CCZ1B: variants seen among roughly 807,000 people sequenced by gnomAD.
CCZ1B encodes the protein CCZ1B vacuolar protein trafficking and biogenesis associated.
Under a neutral mutation model 58.8 loss-of-function variants are expected in CCZ1B, and 25 were observed. The observed-to-expected ratio is 0.43, with a 90% CI of 0.31 to 0.59. CCZ1B has a LOEUF of 0.59. CCZ1B is among the 20% of genes least tolerant of loss of function. CCZ1B has a pLI of 0.12. For missense variants in CCZ1B, 180 were observed against 501.5 expected, an observed-to-expected ratio of 0.36 and a Z score of 6.12; for synonymous variants, 66 against 173.2, an observed-to-expected ratio of 0.38 and a Z score of 4.86.
At chr7:6,815,953 C>G in intron 7 of CCZ1B, among the ~76,000 whole-genome samples, 1 of 145,462 alleles carries the variant, frequency 6.9e-6, no homozygotes, top group Admixed American at 6.9e-5. Context: ...GAACGTGATC[C>G]TAGGTCTCAG....
At chr7:6,815,904 C>T (rs1782992461) in intron 7 of CCZ1B, among the ~76,000 whole-genome samples, 1 of 145,892 alleles carries the variant, frequency 6.9e-6, no homozygotes, top group East Asian at 1.9e-4. Flanking sequence ...CATTCTCTCC[C>T]CTAGTCCCCT....
chr7:6,813,134 A>C, intron 8 of CCZ1B, 97 bp from the exon 9 acceptor site: 1 of 1,201,342 alleles, frequency 8.3e-7, no homozygotes, highest in South Asian at 1.4e-5. Flanking sequence ...GTTCCATGCC[A>C]TTTGTCTTTT....
At chr7:6,823,232 G>T in intron 5 of CCZ1B, 81 bp downstream of exon 5, 2 of 1,568,342 alleles carry the variant, frequency 1.3e-6, no homozygotes, top group Non-Finnish European at 1.7e-6. Flanking sequence ...GTCATTTATA[G>T]ACTTCTCTTT....
chr7:6,807,553 CAA>C (rs1451839513), intron 10 of CCZ1B, among the ~76,000 whole-genome samples: 64 of 152,074 alleles, frequency 4.2e-4, no homozygotes, highest in Middle Eastern at 3.4e-3. Flanking sequence ...CAACAAGAAA[CAA>C]AGAGAGAAGA....
At chr7:6,812,363 CCT>C (rs1782929428) in intron 9 of CCZ1B, 2 of 374,914 alleles carry the variant, frequency 5.3e-6, no homozygotes, top group South Asian at 4.7e-5. Context: ...GTGGTGGGCA[CCT>C]GCAATCCCAG....
intron 3 of CCZ1B, 120 bp downstream of exon 3, chr7:6,824,335 A>C: frequency 7.6e-7 from 1 of 1,314,076 alleles, no homozygotes; most frequent in East Asian, 2.5e-5. Flanking sequence ...AATTGCAACC[A>C]ATTTTATTTT....
intron 6 of CCZ1B, among the ~76,000 whole-genome samples, chr7:6,821,216 T>C (rs1783105102): frequency 6.7e-6 from 1 of 149,984 alleles, no homozygotes; most frequent in African/African-American, 2.5e-5. Context: ...TTCACCATGT[T>C]GGCCAGGCTG....
intron 7 of CCZ1B, among the ~76,000 whole-genome samples, chr7:6,815,244 C>T (rs1782982593): frequency 6.8e-6 from 1 of 146,918 alleles, no homozygotes; most frequent in Non-Finnish European, 1.5e-5. Context: ...TGGCTCACTG[C>T]AGCCTTGGCC....
chr7:6,814,264 C>T (rs1782962606), intron 8 of CCZ1B, among the ~76,000 whole-genome samples: 1 of 149,590 alleles, frequency 6.7e-6, no homozygotes, highest in Non-Finnish European at 1.5e-5. Context: ...GGACTGGGGG[C>T]AGTGGCTCAC....
intron 10 of CCZ1B, among the ~76,000 whole-genome samples, chr7:6,809,575 C>T (rs1182927386): frequency 1.5e-4 from 21 of 137,774 alleles, no homozygotes; most frequent in African/African-American, 6.0e-4. Flanking sequence ...GATACACAAA[C>T]GGACATTCTT....
intron 3 of CCZ1B, 110 bp downstream of exon 3, chr7:6,824,334 CAATTTTATTTT>C (rs1230034441): frequency 7.6e-7 from 1 of 1,314,500 alleles, no homozygotes; most frequent in African/African-American, 1.6e-5. Flanking sequence ...AAATTGCAAC[CAATTTTATTTT>C]AATTTTACTT....
chr7:6,825,481 C>G lies in CCZ1B; in HGVS notation c.120+597G>C, dbSNP rs1254556842. On this transcript the variant is annotated intron_variant, in intron 1 of 14. Transcript: ENST00000316731. ...CCCAGGCTGGTCTGGAACCCCTGGC[C>G]TCAAGCAATCCTCCCATCTCGGCCT... 7.3e-5 allele frequency among the ~76,000 whole-genome samples: 10 copies of G among 137,586 alleles called. No individual in the cohort carries two copies. In the South Asian group the frequency reaches 2.2e-3, roughly 31 times the overall value. The allele number at this position is 137,586 out of a possible 152,430, so 90.3% of individuals were successfully genotyped here. A position where few individuals can be genotyped will look rare whatever the true frequency, so the allele number is the denominator to read the frequency against.
rs769620724 is a variant in CCZ1B at position 6,818,712 on chromosome 7, C to CAAGA, written c.698+1050_698+1053dup. On this transcript the variant is annotated intron_variant, in intron 7 of 14. Coordinates refer to ENST00000316731, the MANE Select transcript of CCZ1B (RefSeq NM_198097.5). ...AAGAAAGACAAGAAAGAAAGAAAGA[C>CAAGA]AAGAAAGAAAGAAAGAAAGAAAGAA... Among the ~76,000 whole-genome samples the CAAGA allele has an allele frequency of 2.4e-3, 191 of 80,636 alleles. 9 individuals carry two copies. Among genetic ancestry groups the CAAGA allele is most frequent in the East Asian group, 0.014 (18 of 1,280 alleles). 52.9% of individuals were successfully genotyped at this position (80,636 alleles called of 152,430 possible). A position where few individuals can be genotyped will look rare whatever the true frequency, so the allele number is the denominator to read the frequency against.
At position 6,819,263 on chromosome 7, in the gene CCZ1B, G is replaced by GTCTC. The variant is rs1783070592; in HGVS notation, c.698+499_698+502dup. On this transcript the variant is annotated intron_variant, in intron 7 of 14. Coordinates refer to ENST00000316731, the MANE Select transcript of CCZ1B (RefSeq NM_198097.5). ...TTCTTTTTTTTTTTTTGGAGACAGA[G>GTCTC]TCTCTCTCTGTTGCCAGGCTGGGGT... 2.1e-5 allele frequency among the ~76,000 whole-genome samples: 3 copies of GTCTC among 140,802 alleles called. No individual in the cohort carries two copies. The Admixed American group carries it at 2.2e-4, about 10-fold the overall frequency. The allele number at this position is 140,802 out of a possible 152,430, so 92.4% of individuals were successfully genotyped here.
In CCZ1B at chr7:6,817,480, T is replaced by C. The variant is rs929534012; in HGVS notation, c.698+2286A>G. Among the ~76,000 whole-genome samples the C allele has an allele frequency of 4.7e-5, 7 of 150,008 alleles. 1 individual carries two copies. The highest frequency in any genetic ancestry group is 4.6e-4 in the Admixed American group (7 of 15,090). ...GGGCCACTACTGCTGGATTCTGGCT[T>C]GTCACACGACATCTCCCTATCGCCG... On this transcript the variant is annotated intron_variant, in intron 7 of 14. Coordinates refer to ENST00000316731, the MANE Select transcript of CCZ1B (RefSeq NM_198097.5).
chr7:6,822,111 C>A lies in CCZ1B; in HGVS notation c.522+170G>T, dbSNP rs2711222. ...GCTGGAGGGAAGGTTCCAGAGCACA[C>A]GCCTCATGCGTTTCCTCGCTGCTCC... On this transcript the variant is annotated intron_variant, in intron 6 of 14. Coordinates refer to ENST00000316731, the MANE Select transcript of CCZ1B (RefSeq NM_198097.5). Among the ~76,000 whole-genome samples, 47 of 147,300 alleles carry A rather than the reference C, an allele frequency of 3.2e-4. 2 individuals carry two copies. Among genetic ancestry groups the A allele is most frequent in the Admixed American group, 5.4e-4 (8 of 14,862 alleles).
chr7:6,818,577 CAGAA>C (rs1243261368), intron 7 of CCZ1B, among the ~76,000 whole-genome samples: 4 of 130,568 alleles, frequency 3.1e-5, no homozygotes, highest in South Asian at 2.4e-4. Flanking sequence ...GAAAGAAAGA[CAGAA>C]AGAAAGACAG....
chr7:6,814,383 A>G (rs1782965074), intron 8 of CCZ1B, among the ~76,000 whole-genome samples: 1 of 149,080 alleles, frequency 6.7e-6, no homozygotes, highest in East Asian at 1.9e-4. Context: ...AAAATACAAA[A>G]AAATTAGCTG....
At chr7:6,818,634 C>CAGAAAGACAGACAGAAAGA (rs1783051772) in intron 7 of CCZ1B, among the ~76,000 whole-genome samples, 2 of 109,112 alleles carry the variant, frequency 1.8e-5, no homozygotes, top group African/African-American at 3.6e-5. Flanking sequence ...GAAAGAAAGA[C>CAGAAAGACAGACAGAAAGA]AAGAAAGAAA....
Sources: allele counts gnomAD v4.1 joint callset (sites outside exome capture counted in the v4.1 genomes callset), GRCh38; gene constraint gnomAD v4.1.1; transcripts MANE v1.5; gene names NCBI Gene and HGNC (gene_info 2026-07-23, HGNC 2026-07-21).